LNX1: variants seen among roughly 807,000 people sequenced by gnomAD.
LNX1 encodes E3 ubiquitin-protein ligase LNX.
In LNX1, 54 loss-of-function variants were observed where a neutral mutation model predicts 68.4. That is an observed-to-expected ratio of 0.79 (90% CI 0.63 to 0.99). The LOEUF (loss-of-function observed/expected upper bound fraction) is 0.99, where lower values mean the gene tolerates loss of function less well. LNX1 is among the 50% of genes least tolerant of loss of function. The pLI is 0.00. For synonymous variants in LNX1, 336 were observed against 350.0 expected (o/e 0.96, Z 0.45); for missense variants, 906 against 926.4 (o/e 0.98, Z 0.29).
chr4:53,579,194 G>C, intron 1 of LNX1: 4 of 844,534 alleles, frequency 4.7e-6, no homozygotes, highest in Non-Finnish European at 5.7e-6. Flanking sequence ...CTGTGATACA[G>C]TGTTTTGGCA....
intron 2 of LNX1, among the ~76,000 whole-genome samples, chr4:53,611,072 C>T (rs1026298595): frequency 3.3e-5 from 5 of 151,802 alleles, no homozygotes; most frequent in Non-Finnish European, 7.4e-5. Flanking sequence ...TCTATTTTTG[C>T]AAATGATATG....
intron 2 of LNX1, among the ~76,000 whole-genome samples, chr4:53,598,572 C>T (rs1244801446): frequency 3.9e-5 from 6 of 152,072 alleles, no homozygotes; most frequent in Admixed American, 6.5e-5. Context: ...CTCTAGACAG[C>T]GAGGAAAGGA....
Position 53,539,837 on chromosome 4 carries a change from T to A in LNX1, c.381-31610A>T, listed in dbSNP as rs183205683. 2.9e-4 allele frequency among the ~76,000 whole-genome samples: 44 copies of A among 152,348 alleles called. 1 individual carries two copies. Among genetic ancestry groups the A allele is most frequent in the Admixed American group, 2.4e-3 (36 of 15,304 alleles). On this transcript the variant is annotated intron_variant, in intron 2 of 10. Transcript: ENST00000263925. Reference sequence around the variant, plus strand: ...TTTGGAGGACAGGGACAATGGTTTCTTGTAATCTGCTGAGGGAGTCAACCC... The same window carrying A: ...TTTGGAGGACAGGGACAATGGTTTCATGTAATCTGCTGAGGGAGTCAACCC...
intron 9 of LNX1, among the ~76,000 whole-genome samples, chr4:53,469,686 A>G (rs1254042467): frequency 1.4e-4 from 21 of 150,858 alleles, no homozygotes; most frequent in Admixed American, 2.0e-4. Flanking sequence ...AGAAATACAA[A>G]TTACCATCAG....
At chr4:53,466,252 C>A (rs1722672751) in intron 9 of LNX1, among the ~76,000 whole-genome samples, 1 of 152,182 alleles carries the variant, frequency 6.6e-6, no homozygotes, top group Admixed American at 6.5e-5. Context: ...AAGTTATATT[C>A]ACCATCTATA....
At chr4:53,576,796 C>G (rs1275302520) in intron 1 of LNX1, among the ~76,000 whole-genome samples, 1 of 152,140 alleles carries the variant, frequency 6.6e-6, no homozygotes, top group Non-Finnish European at 1.5e-5. Context: ...GCCCAGCAGT[C>G]ATAAACTGTA....
chr4:53,608,408 A>G (rs779826454), intron 2 of LNX1, among the ~76,000 whole-genome samples: 5 of 152,246 alleles, frequency 3.3e-5, no homozygotes, highest in Non-Finnish European at 7.3e-5. Flanking sequence ...CAAAGCCACA[A>G]TGTGATACCA....
At chr4:53,600,889 C>A (rs556513983) in intron 2 of LNX1, among the ~76,000 whole-genome samples, 2 of 150,714 alleles carry the variant, frequency 1.3e-5, no homozygotes, top group Admixed American at 1.3e-4. Flanking sequence ...CACCACCACA[C>A]CTGGCTAATG....
intron 2 of LNX1, among the ~76,000 whole-genome samples, chr4:53,550,610 G>C (rs1182036409): frequency 6.6e-6 from 1 of 152,218 alleles, no homozygotes; most frequent in African/African-American, 2.4e-5. Flanking sequence ...GGGAGGAAAT[G>C]GATGCTAAGG....
At chr4:53,494,730 T>C (rs7697807) in intron 6 of LNX1, among the ~76,000 whole-genome samples, 148,934 of 152,334 alleles carry the variant, frequency 0.98, 72,902 homozygotes, top group Middle Eastern at 1. Flanking sequence ...AACCCAGGGG[T>C]ACATAAGCAG....
chr4:53,481,896 T>G (rs753426499), intron 6 of LNX1, 42 bp from the exon 7 acceptor site: 32 of 1,514,194 alleles, frequency 2.1e-5, no homozygotes, highest in Non-Finnish European at 2.6e-5. Flanking sequence ...TCAGTTTCCA[T>G]CCACTGCATT....
intron 2 of LNX1, among the ~76,000 whole-genome samples, chr4:53,560,783 T>C (rs6554113): frequency 0.98 from 149,927 of 152,360 alleles, 73,812 homozygotes; most frequent in Middle Eastern, 1. Flanking sequence ...CTTCCTACCC[T>C]TAGACTTTGT....
At chr4:53,492,543 G>GAGAGAGAGA (rs1553931992) in intron 6 of LNX1, among the ~76,000 whole-genome samples, 1 of 151,094 alleles carries the variant, frequency 6.6e-6, no homozygotes, top group African/African-American at 2.4e-5. Context: ...GAGAGAGAGA[G>GAGAGAGAGA]TGGCATCCTG....
At chr4:53,516,417 T>C (rs1010521484) in intron 2 of LNX1, among the ~76,000 whole-genome samples, 26 of 152,080 alleles carry the variant, frequency 1.7e-4, no homozygotes, top group African/African-American at 6.3e-4. Flanking sequence ...AAAACCTCCA[T>C]GCCACATTAT....
upstream of LNX1, among the ~76,000 whole-genome samples, chr4:53,593,523 A>C (rs969274613): frequency 1.8e-4 from 28 of 152,330 alleles, no homozygotes; most frequent in African/African-American, 6.5e-4. Flanking sequence ...AAATAGAGAA[A>C]TAAGAGTTAA....
chr4:53,647,108 G>A (rs1293824754), intron 1 of LNX1, among the ~76,000 whole-genome samples: 1 of 152,136 alleles, frequency 6.6e-6, no homozygotes, highest in Non-Finnish European at 1.5e-5. Flanking sequence ...TCTGACAGAG[G>A]CTGTGACCTC....
chr4:53,621,678 C>T (rs2109860525), upstream of LNX1, among the ~76,000 whole-genome samples: 1 of 152,258 alleles, frequency 6.6e-6, no homozygotes, highest in South Asian at 2.1e-4. Flanking sequence ...TATGAAGAGA[C>T]TGGGAAGTGG....
chr4:53,623,311 C>T, intron 1 of LNX1, among the ~76,000 whole-genome samples: 1 of 151,764 alleles, frequency 6.6e-6, no homozygotes, highest in East Asian at 1.9e-4. Flanking sequence ...TCAAGTGATC[C>T]TCCCACCTCA....
At chr4:53,497,806 C>T (rs547048465) in intron 5 of LNX1, among the ~76,000 whole-genome samples, 12 of 152,330 alleles carry the variant, frequency 7.9e-5, no homozygotes, top group African/African-American at 2.9e-4. Context: ...TCTGTGAAAA[C>T]TGCTTTAGGT....
Sources: allele counts gnomAD v4.1 joint callset (sites outside exome capture counted in the v4.1 genomes callset), GRCh38; gene constraint gnomAD v4.1.1; transcripts MANE v1.5; gene names NCBI Gene and HGNC (gene_info 2026-07-23, HGNC 2026-07-21).